GOLGA4: variants seen among roughly 807,000 people sequenced by gnomAD.
GOLGA4 encodes the protein golgin subfamily A member 4.
GOLGA4 carries 169 observed loss-of-function variants against 265.9 expected under a neutral mutation model. The observed-to-expected ratio is 0.64, with a 90% confidence interval of 0.56 to 0.72. The LOEUF is 0.72. GOLGA4 is among the 30% of genes least tolerant of loss of function. The pLI, the probability that GOLGA4 is intolerant of heterozygous loss-of-function variation, is 0.00. For missense variants in GOLGA4, 2,482 were observed against 2,483.4 expected, an observed-to-expected ratio of 1.00 and a Z score of 0.01; for synonymous variants, 923 against 855.8, an observed-to-expected ratio of 1.08 and a Z score of -1.37.
intron 9 of GOLGA4, among the ~76,000 whole-genome samples, chr3:37,300,585 A>T (rs1439327578): frequency 2.0e-5 from 3 of 152,112 alleles, no homozygotes; most frequent in Non-Finnish European, 4.4e-5. Context: ...TTCAACAGTT[A>T]ACATCTCATG....
In GOLGA4 at chr3:37,251,393, A is replaced by G. The variant is rs771685577; in HGVS notation, c.73-2A>G. The G allele has an allele frequency of 2.5e-6, 4 of 1,600,856 alleles. No individual in the cohort carries two copies. Among genetic ancestry groups the G allele is most frequent in the East Asian group, 4.5e-5 (2 of 44,816 alleles). The stretch of plus-strand genomic sequence containing the variant: ...AATTTGTGCAATAATTTTTAAATCT[A>G]GGCGTCCTCCAATTCTTCAACACCA... On this transcript the variant is annotated splice_acceptor_variant, in intron 1 of 23. Coordinates refer to ENST00000361924, the MANE Select transcript of GOLGA4 (RefSeq NM_002078.5). LOFTEE classifies it high-confidence loss of function.
chr3:37,326,457 CA>C lies in GOLGA4; in HGVS notation c.4572del (p.Ala1525GlnfsTer6). On this transcript the variant is annotated frameshift_variant, in exon 14 of 24. Transcript: ENST00000361924. LOFTEE classifies it high-confidence loss of function. ...SNLETELKSQ[T>X]ARIMELEDHI... is the part of the protein sequence containing the mutation. ...TTAGAAACAGAGTTAAAGTCTCAAA[CA>C]GCAAGAATTATGGAATTAGAGGACC... 6.2e-7 allele frequency: 1 copy of C among 1,610,738 alleles called. No individual in the cohort carries two copies.
chr3:37,366,389 A>G lies in GOLGA4; in HGVS notation c.*343A>G, dbSNP rs1047072468. The stretch of plus-strand genomic sequence containing the variant: ...AATATTCCTTTCATCCATTCTTTTT[A>G]AAGAACGGCTTACCTTTCCTATTTA... On this transcript the variant is annotated 3_prime_UTR_variant, in exon 24 of 24. Coordinates refer to ENST00000361924, the MANE Select transcript of GOLGA4 (RefSeq NM_002078.5). The G allele has an allele frequency of 2.9e-6, 1 of 347,138 alleles. No homozygotes were observed. The highest frequency in any genetic ancestry group is 2.1e-5 in the African/African-American group (1 of 47,526). 21.5% of individuals were successfully genotyped at this position (347,138 alleles called of 1,614,324 possible). A position where few individuals can be genotyped will look rare whatever the true frequency, so the allele number is the denominator to read the frequency against.
rs1167777562 is a variant in GOLGA4 at position 37,298,692 on chromosome 3, G to A, written c.815-141G>A. On this transcript the variant is annotated intron_variant, in intron 7 of 23. Coordinates refer to ENST00000361924, the MANE Select transcript of GOLGA4 (RefSeq NM_002078.5). ...CAAAGTTAGTTCAGCCTACACCCAG[G>A]AACGAACAATGACAGCTTAAAGGTT... 3 of 597,348 alleles carry A rather than the reference G, an allele frequency of 5.0e-6. No homozygotes were observed. The African/African-American group carries it at 5.6e-5, about 11-fold the overall frequency. The allele number at this position is 597,348 out of a possible 1,614,324, so 37.0% of individuals were successfully genotyped here. A position where few individuals can be genotyped will look rare whatever the true frequency, so the allele number is the denominator to read the frequency against.
chr3:37,299,614 C>G (rs1394308469), intron 9 of GOLGA4, among the ~76,000 whole-genome samples: 1 of 152,030 alleles, frequency 6.6e-6, no homozygotes, highest in Non-Finnish European at 1.5e-5. Flanking sequence ...ATAACTGTTG[C>G]AAAGGAAGTT....
At position 37,328,419 on chromosome 3, in the gene GOLGA4, G is replaced by A. The variant is rs748597886; in HGVS notation, c.5943G>A (p.Gln1981=). ...ACGGTACATTTTTATTACTCAGACA[G>A]GAGCAGGAAGATCTTGAACTGAAGC... ...YDQEREEKIK[Q]EQEDLELKHN... is the part of the protein sequence containing the mutation. Residue 1981 remains glutamine, a synonymous_variant, in exon 15 of 24, where the codon CAG becomes CAA. Coordinates refer to ENST00000361924, the MANE Select transcript of GOLGA4 (RefSeq NM_002078.5). 7 of 1,611,468 alleles carry A rather than the reference G, an allele frequency of 4.3e-6. No individual in the cohort carries two copies. Among genetic ancestry groups the A allele is most frequent in the Non-Finnish European group, 5.9e-6 (7 of 1,178,830 alleles).
In GOLGA4 at chr3:37,327,443, G is replaced by A. The variant is rs1482073859; in HGVS notation, c.5557G>A (p.Glu1853Lys). 1 of 1,612,960 alleles carries A rather than the reference G, an allele frequency of 6.2e-7. No homozygotes were observed. Among genetic ancestry groups the A allele is most frequent in the Non-Finnish European group, 8.5e-7 (1 of 1,179,640 alleles). ...GAAGGAACTAACCTGTCAGATTTTG[G>A]AGCAAAAGATAAAAGAGCTGGATTC... ...QEKELTCQIL[E>K]QKIKELDSCL... The change falls in exon 14 of 24, where the codon GAG becomes AAG. Residue 1853 changes from glutamate to lysine, a missense_variant. Physicochemically the swap from Glu to Lys is moderately conservative, Grantham distance 56 (BLOSUM62 1). This residue lies in a region of GOLGA4 where 942 missense variants were observed against 983.1 expected (regional missense o/e 0.96). Transcript: ENST00000361924.
chr3:37,265,384 G>A (rs2096780919), intron 2 of GOLGA4, among the ~76,000 whole-genome samples: 1 of 152,116 alleles, frequency 6.6e-6, no homozygotes. Context: ...ACATACTTTA[G>A]AGAAAAATAA....
intron 2 of GOLGA4, among the ~76,000 whole-genome samples, chr3:37,257,906 T>TGTATGTATATATGTATATATACATAC (rs2096753793): frequency 7.9e-6 from 1 of 127,368 alleles, no homozygotes; most frequent in African/African-American, 3.1e-5. Flanking sequence ...TATATATATA[T>TGTATGTATATATGTATATATACATAC]ATATATATGT....
intron 20 of GOLGA4, among the ~76,000 whole-genome samples, chr3:37,342,990 C>T (rs535001206): frequency 3.5e-4 from 53 of 152,316 alleles, no homozygotes; most frequent in Non-Finnish European, 6.2e-4. Flanking sequence ...ACCTCCACTT[C>T]CTGGGTTCAA....
intron 2 of GOLGA4, among the ~76,000 whole-genome samples, chr3:37,257,374 A>G (rs1057104304): frequency 3.9e-5 from 6 of 152,152 alleles, no homozygotes; most frequent in Non-Finnish European, 1.5e-5. Flanking sequence ...TGTTACCTGG[A>G]TCAGCCCAAG....
chr3:37,288,475 T>G (rs2096856059), intron 4 of GOLGA4, among the ~76,000 whole-genome samples: 2 of 149,656 alleles, frequency 1.3e-5, no homozygotes, highest in Non-Finnish European at 3.0e-5. Flanking sequence ...TGAATTTTTC[T>G]GGATGGTTTT....
chr3:37,275,539 C>T (rs1039356903), intron 2 of GOLGA4, among the ~76,000 whole-genome samples: 6 of 151,936 alleles, frequency 3.9e-5, no homozygotes, highest in Admixed American at 1.3e-4. Flanking sequence ...TATCATTGGC[C>T]GCGGGCTTCG....
rs754415392 is a variant in GOLGA4, at chr3:37,325,158, A to G, written c.3272A>G (p.Asn1091Ser). Residue 1091 changes from asparagine to serine, a missense_variant, in exon 14 of 24, where the codon AAC (asparagine) becomes AGC (serine). This residue lies in a region of GOLGA4 where 1,536 missense variants were observed against 1,483.7 expected (regional missense o/e 1.04). Transcript: ENST00000361924. ...TTTGGGTGTGAAAAAGAAGAGATGA[A>G]CAAGGAAATAACATGGCTGAAGGAA... The part of the protein sequence containing the change: ...LLFGCEKEEM[N>S]KEITWLKEEG... 3.1e-6 allele frequency: 5 copies of G among 1,613,768 alleles called. No homozygotes were observed. Among genetic ancestry groups the G allele is most frequent in the Non-Finnish European group, 4.2e-6 (5 of 1,179,832 alleles).
intron 10 of GOLGA4, among the ~76,000 whole-genome samples, chr3:37,312,975 G>A (rs935846470): frequency 2.0e-5 from 3 of 152,104 alleles, no homozygotes; most frequent in Admixed American, 6.6e-5. Context: ...GGAGGCCAGC[G>A]CGACGGATCA....
chr3:37,296,109 T>C lies in GOLGA4; in HGVS notation c.704T>C (p.Leu235Ser). 1 of 1,613,956 alleles carries C rather than the reference T, an allele frequency of 6.2e-7. No homozygotes were observed. The highest frequency in any genetic ancestry group is 8.5e-7 in the Non-Finnish European group (1 of 1,179,838). Residue 235 changes from leucine (L) to serine (S), a missense_variant, in exon 7 of 24, where the codon TTA becomes TCA. By Grantham distance (145) the Leu-to-Ser change is moderately radical. Transcript: ENST00000361924. ...QTQVSLLKQR[L>S]RNGPMNVDVL... The stretch of plus-strand genomic sequence containing the variant: ...TAGGTTTCTCTACTGAAACAACGAT[T>C]ACGAAATGGCCCGATGAATGTTGAT...
At chr3:37,282,337 G>A in intron 3 of GOLGA4, 65 bp downstream of exon 3, 1 of 1,161,306 alleles carries the variant, frequency 8.6e-7, no homozygotes. Context: ...TCATATTACT[G>A]TATTGCTTTA....
At chr3:37,247,210 A>T (rs1159673541) in intron 1 of GOLGA4, among the ~76,000 whole-genome samples, 1 of 152,228 alleles carries the variant, frequency 6.6e-6, no homozygotes, top group Non-Finnish European at 1.5e-5. Flanking sequence ...TTGATTTGGC[A>T]GTGACTTACA....
In GOLGA4 at chr3:37,243,611, G is replaced by A. The variant is rs2096708760; in HGVS notation, c.61G>A (p.Ala21Thr). The change falls in exon 1 of 24, where the codon GCT becomes ACT. Residue 21 changes from alanine to threonine, a missense_variant. Physicochemically the swap from Ala to Thr is moderately conservative, Grantham distance 58. This residue lies in a region of GOLGA4 where 1,536 missense variants were observed against 1,483.7 expected (regional missense o/e 1.04). Transcript: ENST00000361924. ...EEQQQLQQAL[A>T]PAQASSNSST... ...GCAGCAGCAGCTCCAGCAGGCGCTG[G>A]CTCCTGCTCAGGTACGATGGCCGCC... 6.2e-7 allele frequency: 1 copy of A among 1,612,822 alleles called. No homozygotes were observed. Among genetic ancestry groups the A allele is most frequent in the African/African-American group, 1.3e-5 (1 of 74,918 alleles).
Sources: gnomAD v4.1 joint callset for allele counts (sites outside exome capture counted in the v4.1 genomes callset) on GRCh38, gnomAD v4.1.1 for gene constraint, gnomAD v4.1.1 regional missense constraint, MANE v1.5 for transcripts, NCBI Gene and HGNC (gene_info 2026-07-23, HGNC 2026-07-21) for gene names.